The following PTPRN2 variants were observed in gnomAD, a reference collection of about 807,000 sequenced individuals.
PTPRN2 encodes the protein protein tyrosine phosphatase receptor type N2.
PTPRN2 carries 74 observed loss-of-function variants against 118.8 expected under a neutral mutation model. The ratio of observed to expected loss-of-function variants is 0.62; its 90% confidence interval spans 0.52 to 0.76. The LOEUF (loss-of-function observed/expected upper bound fraction) is 0.76. Among genes scored for constraint, PTPRN2 ranks in the 30% least tolerant of loss-of-function variants. The pLI, the probability that PTPRN2 is intolerant of heterozygous loss-of-function variation, is 0.00. For missense variants in PTPRN2, 1,481 were observed against 1,394.4 expected (o/e 1.06, Z -0.99); for synonymous variants, 641 against 608.0 (o/e 1.05, Z -0.80).
intron 3 of PTPRN2, among the ~76,000 whole-genome samples, chr7:158,271,345 C>T (rs551088766): frequency 3.3e-5 from 5 of 152,340 alleles, no homozygotes; most frequent in African/African-American, 9.6e-5. Context: ...ATCCGACAAT[C>T]GGCAGATCCA....
At chr7:158,537,233 A>G (rs1446133102) in intron 1 of PTPRN2, among the ~76,000 whole-genome samples, 1 of 152,210 alleles carries the variant, frequency 6.6e-6, no homozygotes, top group Non-Finnish European at 1.5e-5. Context: ...TATTTGTTAT[A>G]GCATCCTGAG....
chr7:158,056,346 TTC>T (rs1321258987), intron 11 of PTPRN2, among the ~76,000 whole-genome samples: 2 of 152,230 alleles, frequency 1.3e-5, no homozygotes, highest in Non-Finnish European at 2.9e-5. Context: ...ACCTGGCTTG[TTC>T]TCTGTCCCCA....
chr7:158,161,827 C>CATATCTGATATCTG (rs71198575), intron 6 of PTPRN2, among the ~76,000 whole-genome samples: 14 of 151,328 alleles, frequency 9.3e-5, no homozygotes, highest in South Asian at 2.1e-4. Context: ...TTACAAAAGA[C>CATATCTGATATCTG]ATATCTGATA....
intron 12 of PTPRN2, among the ~76,000 whole-genome samples, chr7:157,759,254 A>G (rs1801993600): frequency 6.6e-6 from 1 of 152,206 alleles, no homozygotes; most frequent in Non-Finnish European, 1.5e-5. Flanking sequence ...CCTCTGCCCA[A>G]ATCCTGTCAA....
At chr7:158,186,586 C>G (rs974512481) in intron 5 of PTPRN2, among the ~76,000 whole-genome samples, 1 of 151,020 alleles carries the variant, frequency 6.6e-6, no homozygotes, top group Non-Finnish European at 1.5e-5. Context: ...CCTGCCCCCT[C>G]TGGCATGAAC....
intron 12 of PTPRN2, among the ~76,000 whole-genome samples, chr7:157,742,484 G>GGT (rs1563060557): frequency 2.1e-5 from 3 of 140,216 alleles, no homozygotes; most frequent in Non-Finnish European, 3.2e-5. Context: ...GCTGACTTCT[G>GGT]TTTTTTTTTT....
At position 157,784,157 on chromosome 7, in the gene PTPRN2, C is replaced by T. The variant is rs531140645; in HGVS notation, c.1789-101220G>A. Among the ~76,000 whole-genome samples, 4 of 152,214 alleles carry T rather than the reference C, an allele frequency of 2.6e-5. No homozygotes were observed. Among genetic ancestry groups the T allele is most frequent in the Admixed American group, 6.5e-5 (1 of 15,294 alleles). ...CTAAATTCTGCTTGTGGGCAGGGCA[C>T]AGGCAGCTCAACGTTAGGCCAGGGA... On this transcript the variant is annotated intron_variant, in intron 12 of 22. Coordinates refer to ENST00000389418, the MANE Select transcript of PTPRN2 (RefSeq NM_002847.5). This position sits in a 1 kb window ranked among gnomAD's most constrained non-coding sequence, Gnocchi z 4.6.
At chr7:157,946,667 C>T (rs1292478825) in intron 11 of PTPRN2, among the ~76,000 whole-genome samples, 1 of 152,232 alleles carries the variant, frequency 6.6e-6, no homozygotes, top group Non-Finnish European at 1.5e-5. Context: ...GGGATGGTGT[C>T]ACCACTGTGG....
intron 2 of PTPRN2, among the ~76,000 whole-genome samples, chr7:158,343,556 C>T (rs1807236381): frequency 6.6e-6 from 1 of 152,160 alleles, no homozygotes; most frequent in Admixed American, 6.5e-5. Flanking sequence ...GATTTTACAC[C>T]CAATACCTGC....
chr7:158,416,810 G>A (rs959486275), intron 2 of PTPRN2, among the ~76,000 whole-genome samples: 1 of 152,182 alleles, frequency 6.6e-6, no homozygotes, highest in South Asian at 2.1e-4. Flanking sequence ...GGGAAACGAT[G>A]ATATCCAGGG....
intron 7 of PTPRN2, among the ~76,000 whole-genome samples, 194 bp from the exon 8 acceptor site, chr7:158,136,889 G>A (rs964693738): frequency 3.3e-5 from 5 of 152,194 alleles, no homozygotes; most frequent in African/African-American, 9.7e-5. Context: ...TCGCGAGAGC[G>A]GAGGGGACTG....
At chr7:158,194,540 G>C (rs1826057582) in intron 4 of PTPRN2, among the ~76,000 whole-genome samples, 2 of 152,236 alleles carry the variant, frequency 1.3e-5, no homozygotes, top group South Asian at 4.1e-4. Context: ...GGACGGTCCA[G>C]ACGCCACAGG....
chr7:158,161,699 A>T (rs6965596), intron 6 of PTPRN2, among the ~76,000 whole-genome samples: 39,052 of 152,156 alleles, frequency 0.26, 7,034 homozygotes, highest in African/African-American at 0.52. Context: ...CCAACACCAA[A>T]GGCAAAATCC....
intron 21 of PTPRN2, among the ~76,000 whole-genome samples, chr7:157,563,784 A>G (rs1223068777): frequency 2.3e-4 from 31 of 132,250 alleles, no homozygotes; most frequent in South Asian, 1.4e-3. Flanking sequence ...GTGCTCCCAC[A>G]TCACCACACA....
intron 3 of PTPRN2, among the ~76,000 whole-genome samples, chr7:158,241,237 C>T (rs370704890): frequency 2.0e-5 from 3 of 152,186 alleles, no homozygotes; most frequent in Non-Finnish European, 4.4e-5. Flanking sequence ...CACTTTCGGC[C>T]GGGCGTGGTG....
intron 22 of PTPRN2, among the ~76,000 whole-genome samples, chr7:157,543,615 T>G (rs221260): frequency 0.94 from 143,126 of 152,334 alleles, 67,410 homozygotes; most frequent in Middle Eastern, 0.99. Context: ...CTTGGATTTC[T>G]ATTTGTGCTT....
At chr7:158,369,118 T>C (rs1017628690) in intron 2 of PTPRN2, among the ~76,000 whole-genome samples, 6 of 152,064 alleles carry the variant, frequency 3.9e-5, no homozygotes, top group African/African-American at 1.4e-4. Context: ...CTTTCTCCCA[T>C]GCTGGATGCT....
At chr7:158,520,258 T>A (rs150311884) in intron 1 of PTPRN2, among the ~76,000 whole-genome samples, 2 of 152,358 alleles carry the variant, frequency 1.3e-5, no homozygotes, top group African/African-American at 4.8e-5. Context: ...ATTGGCAGCC[T>A]GGGTCTCACA....
chr7:158,149,514 A>T (rs182591876), intron 6 of PTPRN2, among the ~76,000 whole-genome samples: 10 of 152,114 alleles, frequency 6.6e-5, no homozygotes, highest in African/African-American at 2.4e-4. Context: ...TTTTAAAAAG[A>T]TAAGCCCGGC....
Sources: gnomAD v4.1 joint callset for allele counts (sites outside exome capture counted in the v4.1 genomes callset) on GRCh38, gnomAD v4.1.1 for gene constraint, Gnocchi (gnomAD v3.1) non-coding constraint, MANE v1.5 for transcripts, NCBI Gene and HGNC (gene_info 2026-07-23, HGNC 2026-07-21) for gene names.